ABCC6: variants seen among roughly 807,000 people sequenced by gnomAD.
ABCC6 encodes ATP binding cassette subfamily C member 6, also known as ATP-binding cassette sub-family C member 6.
Under a neutral mutation model 169.5 loss-of-function variants are expected in ABCC6, and 126 were observed. The observed-to-expected ratio is 0.74, with a 90% confidence interval of 0.64 to 0.86. The LOEUF (loss-of-function observed/expected upper bound fraction) is 0.86. Among genes scored for constraint, ABCC6 ranks in the 40% least tolerant of loss-of-function variants. The probability of loss-of-function intolerance (pLI) is 0.00; values close to 1 mark genes in which losing one functional copy is unlikely to be tolerated. For synonymous variants in ABCC6, 752 were observed against 814.7 expected (o/e 0.92, Z 1.31); for missense variants, 1,733 against 1,927.2 (o/e 0.90, Z 1.89).
At chr16:16,188,503 A>G (rs2047728087) in intron 13 of ABCC6, among the ~76,000 whole-genome samples, 1 of 152,234 alleles carries the variant, frequency 6.6e-6, no homozygotes, top group African/African-American at 2.4e-5. Context: ...AAGGAAGAGA[A>G]ACAAAATCGC....
intron 12 of ABCC6, among the ~76,000 whole-genome samples, chr16:16,189,398 G>A (rs960403768): frequency 1.3e-5 from 2 of 151,104 alleles, no homozygotes; most frequent in Admixed American, 6.6e-5. Context: ...AGGGCTCTAG[G>A]TGTTGGTGCC....
intron 17 of ABCC6, 49 bp downstream of exon 17, chr16:16,182,363 C>T: frequency 1.9e-6 from 3 of 1,607,410 alleles, no homozygotes; most frequent in Non-Finnish European, 1.7e-6. Flanking sequence ...ACCCAAATGA[C>T]TCCCAACTGC....
intron 10 of ABCC6, among the ~76,000 whole-genome samples, chr16:16,193,401 G>T (rs2047929683): frequency 6.6e-6 from 1 of 152,138 alleles, no homozygotes; most frequent in African/African-American, 2.4e-5. Context: ...CATTCTTTTA[G>T]ATCTTTACTT....
chr16:16,182,948 G>GA lies in ABCC6; in HGVS notation c.1944-19dup, dbSNP rs2047527646. 6.2e-7 allele frequency: 1 copy of GA among 1,614,178 alleles called. No individual in the cohort carries two copies. Among genetic ancestry groups the GA allele is most frequent in the African/African-American group, 1.3e-5 (1 of 75,052 alleles). ...GGTTTATTCTGGACACGCAAGAGGG[G>GA]AGACATGACCTTGGTTAGGGTTCAG... On this transcript the variant is annotated intron_variant, in intron 15 of 30. Coordinates refer to ENST00000205557, the MANE Select transcript of ABCC6 (RefSeq NM_001171.6).
chr16:16,153,801 G>T (rs1391989954), intron 29 of ABCC6, among the ~76,000 whole-genome samples: 1 of 151,644 alleles, frequency 6.6e-6, no homozygotes, highest in African/African-American at 2.4e-5. Context: ...CTACTCGGGA[G>T]GCTGAGGTGG....
At chr16:16,180,741 T>G (rs920454159) in intron 17 of ABCC6, among the ~76,000 whole-genome samples, 2 of 152,162 alleles carry the variant, frequency 1.3e-5, no homozygotes, top group African/African-American at 4.8e-5. Flanking sequence ...CCCTCCCGCC[T>G]TGGCTTCCCA....
chr16:16,219,214 GT>G (rs1197092617), intron 4 of ABCC6, among the ~76,000 whole-genome samples: 1 of 146,188 alleles, frequency 6.8e-6, no homozygotes, highest in East Asian at 2.1e-4. Context: ...GGAGGGGTAT[GT>G]GTGCACACAG....
chr16:16,212,667 G>A (rs1257893722), intron 5 of ABCC6, among the ~76,000 whole-genome samples: 1 of 151,700 alleles, frequency 6.6e-6, no homozygotes, highest in Non-Finnish European at 1.5e-5. Flanking sequence ...CCTTGCCAGG[G>A]GTGTAGACCA....
intron 23 of ABCC6, 129 bp from the exon 24 acceptor site, chr16:16,163,321 G>T: frequency 2.3e-6 from 2 of 862,970 alleles, no homozygotes; most frequent in Non-Finnish European, 3.6e-6. Context: ...GTGTGACCTT[G>T]GGCTAGTTGC....
At chr16:16,158,389 C>T (rs1488764611) in intron 26 of ABCC6, among the ~76,000 whole-genome samples, 1 of 152,000 alleles carries the variant, frequency 6.6e-6, no homozygotes, top group African/African-American at 2.4e-5. Context: ...ATCCATTCAT[C>T]CATCCATCTC....
rs2047173016 is a variant in ABCC6 at position 16,173,342 on chromosome 16, A to G, written c.2729T>C (p.Leu910Pro). 2 of 1,614,118 alleles carry G rather than the reference A, an allele frequency of 1.2e-6. No individual in the cohort carries two copies. Among genetic ancestry groups the G allele is most frequent in the African/African-American group, 1.3e-5 (1 of 75,034 alleles). The part of the protein sequence containing the change: ...TTSEAQTEVP[L>P]DDPDRAGWPA... ...CCATCCTGCCCTGTCAGGGTCATCC[A>G]GAGGAACCTCTGTCTGGGCTTCTGA... is the stretch of plus-strand genomic sequence containing the variant. The change falls in exon 21 of 31, where the codon CTG (leucine) becomes CCG (proline). Residue 910 changes from leucine (L) to proline (P), a missense_variant. Transcript: ENST00000205557.
At chr16:16,154,433 G>A (rs1011102582) in intron 29 of ABCC6, among the ~76,000 whole-genome samples, 195 bp downstream of exon 29, 1 of 152,176 alleles carries the variant, frequency 6.6e-6, no homozygotes, top group Non-Finnish European at 1.5e-5. Flanking sequence ...AAGACTAACT[G>A]CTAATTTAGG....
chr16:16,206,721 C>A (rs2048403670), intron 7 of ABCC6, among the ~76,000 whole-genome samples: 1 of 151,952 alleles, frequency 6.6e-6, no homozygotes, highest in Non-Finnish European at 1.5e-5. Context: ...ATGTTTCTAC[C>A]CTTTAGTTCT....
In ABCC6 at chr16:16,190,250, T is replaced by C. The variant is rs1271509242; in HGVS notation, c.1549A>G (p.Ile517Val). Residue 517 changes from isoleucine to valine, a missense_variant, in exon 12 of 31, where the codon ATC becomes GTC. Transcript: ENST00000205557. ...EGAFLDRVLG[I>V]RGQELGALRT... Reference sequence around the variant, plus strand: ...AAGGCGCCCAGCTCCTGGCCTCGGATGCCCAGGACTCTGTCCAGAAAGGCT... The same window carrying C: ...AAGGCGCCCAGCTCCTGGCCTCGGACGCCCAGGACTCTGTCCAGAAAGGCT... The C allele has an allele frequency of 4.3e-6, 7 of 1,614,094 alleles. No individual in the cohort carries two copies. Among genetic ancestry groups the C allele is most frequent in the Non-Finnish European group, 5.9e-6 (7 of 1,180,018 alleles).
At chr16:16,182,277 G>A (rs1405467559) in intron 17 of ABCC6, 135 bp downstream of exon 17, 25 of 1,129,120 alleles carry the variant, frequency 2.2e-5, no homozygotes, top group Non-Finnish European at 3.2e-5. Flanking sequence ...TTGACGCTGA[G>A]CTGAGCCCTT....
chr16:16,182,857 G>A lies in ABCC6; in HGVS notation c.2017C>T (p.Leu673=), dbSNP rs749625887. The part of the protein sequence containing the change: ...GPVGAGKSSL[L]SALLGELSKV... ...GACAGCTCCCCAAGGAGGGCGGACAGCAGGGAGGACTTCCCTGCCCCCACT... is the reference window on the plus strand; with the variant it reads ...GACAGCTCCCCAAGGAGGGCGGACAACAGGGAGGACTTCCCTGCCCCCACT... The change falls in exon 16 of 31, where the codon CTG becomes TTG. Residue 673 remains leucine (L), a synonymous_variant. Coordinates refer to ENST00000205557, the MANE Select transcript of ABCC6 (RefSeq NM_001171.6). The A allele has an allele frequency of 1.9e-6, 3 of 1,614,108 alleles. No homozygotes were observed. Among genetic ancestry groups the A allele is most frequent in the Admixed American group, 1.7e-5 (1 of 60,024 alleles).
chr16:16,182,879 C>G lies in ABCC6; in HGVS notation c.1995G>C (p.Val665=). 6.2e-7 allele frequency: 1 copy of G among 1,614,032 alleles called. No homozygotes were observed. The highest frequency in any genetic ancestry group is 8.5e-7 in the Non-Finnish European group (1 of 1,180,008). The part of the protein sequence containing the change: ...QGCLLAVVGP[V]GAGKSSLLSA... ...ACAGCAGGGAGGACTTCCCTGCCCC[C>G]ACTGGACCGACAACAGCCAGCAGAC... is the stretch of plus-strand genomic sequence containing the variant. The change falls in exon 16 of 31, where the codon GTG becomes GTC. Residue 665 remains valine, a synonymous_variant. Coordinates refer to ENST00000205557, the MANE Select transcript of ABCC6 (RefSeq NM_001171.6).
intron 25 of ABCC6, among the ~76,000 whole-genome samples, chr16:16,160,937 TGTTAATA>T (rs796850073): frequency 3.3e-5 from 5 of 151,900 alleles, no homozygotes; most frequent in African/African-American, 1.2e-4. Flanking sequence ...CATTACATAC[TGTTAATA>T]GTTAACAAAA....
At chr16:16,215,829 A>G (rs2048852692) in intron 4 of ABCC6, among the ~76,000 whole-genome samples, 1 of 152,176 alleles carries the variant, frequency 6.6e-6, no homozygotes, top group Non-Finnish European at 1.5e-5. Context: ...TGCAATGCAT[A>G]ATAATCACAT....
Sources: allele counts gnomAD v4.1 joint callset (sites outside exome capture counted in the v4.1 genomes callset), GRCh38; gene constraint gnomAD v4.1.1; transcripts MANE v1.5; gene names NCBI Gene and HGNC (gene_info 2026-07-23, HGNC 2026-07-21).